The following NPL variants were observed in gnomAD, a reference collection of about 807,000 sequenced individuals.
NPL encodes N-acetylneuraminate pyruvate lyase.
Under a neutral mutation model 41.1 loss-of-function variants are expected in NPL, and 32 were observed. The ratio of observed to expected loss-of-function variants is 0.78; its 90% confidence interval spans 0.59 to 1.05. The LOEUF (loss-of-function observed/expected upper bound fraction) is 1.05, where lower values mean the gene tolerates loss of function less well. Among genes scored for constraint, NPL ranks in the 50% least tolerant of loss-of-function variants. NPL has a pLI of 0.00. For synonymous variants in NPL, 128 were observed against 134.9 expected, an observed-to-expected ratio of 0.95 and a Z score of 0.35; for missense variants, 321 against 378.4, an observed-to-expected ratio of 0.85 and a Z score of 1.26.
chr1:182,809,201 T>C (rs752070095), intron 5 of NPL: 1 of 451,052 alleles, frequency 2.2e-6, no homozygotes, highest in South Asian at 1.6e-5. Flanking sequence ...CCATCATAAG[T>C]TGGGGACCAT....
rs1435195458 is a variant in NPL at position 182,807,918 on chromosome 1, C to CCAAAAATG, written c.230+1687_230+1694dup. ...AAAAAAAAAAAAAAAAAGAACAGTACCAAAAATGAGGGACAGGGAAGTAGG... is the reference window on the plus strand; with the variant it reads ...AAAAAAAAAAAAAAAAAGAACAGTACCAAAAATGCAAAAATGAGGGACAGGGAAGTAGG... On this transcript the variant is annotated intron_variant, in intron 5 of 12. Transcript: ENST00000367553. Among the ~76,000 whole-genome samples the CCAAAAATG allele has an allele frequency of 8.8e-5, 13 of 147,344 alleles. No homozygotes were observed. The East Asian group carries it at 2.4e-3, about 27-fold the overall frequency.
In NPL at chr1:182,816,761, C is replaced by CTGCCA. The variant is rs1220171518; in HGVS notation, c.414_418dup (p.Phe140CysfsTer11). 7.8e-5 allele frequency: 126 copies of CTGCCA among 1,613,696 alleles called. No homozygotes were observed. The highest frequency in any genetic ancestry group is 1.1e-4 in the Non-Finnish European group (124 of 1,179,850). On this transcript the variant is annotated frameshift_variant, in exon 8 of 13. Transcript: ENST00000367553. LOFTEE classifies it high-confidence loss of function. ...GGAAGTGGCTGCTGCCGCCCCTGCC[C>CTGCCA]TGCCATTTTATTACTATCACATTCC...
chr1:182,825,857 G>T, intron 12 of NPL, 37 bp downstream of exon 12: 1 of 1,514,458 alleles, frequency 6.6e-7, no homozygotes. Context: ...TCTGCTGCTG[G>T]AGACTGTAAA....
rs752259672 is a variant in NPL, at chr1:182,828,743, C to T, written c.798C>T (p.Thr266=). ...VVKLGFGVSQ[T]KAIMTLVSGI... ...GTCTAGGTTTTGGAGTGTCACAGAC[C>T]AAAGCCATCATGACTCTGGTCTCTG... The change falls in exon 13 of 13, where the codon ACC becomes ACT. Residue 266 remains threonine (T), a synonymous_variant. Coordinates refer to ENST00000367553, the MANE Select transcript of NPL (RefSeq NM_030769.3). This position sits in a 1 kb window ranked among gnomAD's most constrained non-coding sequence, Gnocchi z 4.0. The T allele has an allele frequency of 3.1e-6, 5 of 1,614,170 alleles. No individual in the cohort carries two copies. In the South Asian group the frequency reaches 5.5e-5, roughly 18 times the overall value.
At chr1:182,823,282 G>A (rs1219272174) in intron 11 of NPL, among the ~76,000 whole-genome samples, 25 of 152,176 alleles carry the variant, frequency 1.6e-4, no homozygotes, top group Admixed American at 1.5e-3. Flanking sequence ...TGCCATCAGG[G>A]TAATCAGAGA....
chr1:182,823,116 T>C (rs564503754), intron 11 of NPL, among the ~76,000 whole-genome samples: 4 of 152,328 alleles, frequency 2.6e-5, no homozygotes, highest in Non-Finnish European at 5.9e-5. Context: ...GCAAGACTTT[T>C]GGGGTCTGAG....
At chr1:182,819,797 G>A (rs953941595) in intron 10 of NPL, among the ~76,000 whole-genome samples, 1 of 152,178 alleles carries the variant, frequency 6.6e-6, no homozygotes, top group Admixed American at 6.5e-5. Context: ...CACTTTGTGA[G>A]TTCTATCTTT....
Position 182,824,455 on chromosome 1 carries a change from T to G in NPL, c.739-1326T>G, listed in dbSNP as rs1473248620. On this transcript the variant is annotated intron_variant, in intron 11 of 12. Transcript: ENST00000367553. ...CAAATATGTTAAGCATTTTGAAAAATACTTTTAAATATAAAATGTTATTGA... is the reference window on the plus strand; with the variant it reads ...CAAATATGTTAAGCATTTTGAAAAAGACTTTTAAATATAAAATGTTATTGA... Among the ~76,000 whole-genome samples, 4 of 152,220 alleles carry G rather than the reference T, an allele frequency of 2.6e-5. No individual in the cohort carries two copies. In the East Asian group the frequency reaches 7.7e-4, roughly 29 times the overall value.
At chr1:182,819,471 C>T (rs1434807768) in intron 10 of NPL, among the ~76,000 whole-genome samples, 1 of 151,306 alleles carries the variant, frequency 6.6e-6, no homozygotes, top group South Asian at 2.1e-4. Flanking sequence ...ATTAGCCAGG[C>T]GTGGTGGCAG....
Position 182,805,409 on chromosome 1 carries a change from C to T in NPL, c.143-736C>T, listed in dbSNP as rs551561784. 1.2e-3 allele frequency among the ~76,000 whole-genome samples: 179 copies of T among 151,686 alleles called. 1 individual carries two copies. Among genetic ancestry groups the T allele is most frequent in the South Asian group, 6.9e-3 (33 of 4,788 alleles). Reference sequence around the variant, plus strand: ...TGGCGCCACTGCCCTCCAGCCTGGGCGACAAGAGCAAAATTCTGTCTCAAA... The same window carrying T: ...TGGCGCCACTGCCCTCCAGCCTGGGTGACAAGAGCAAAATTCTGTCTCAAA... On this transcript the variant is annotated intron_variant, in intron 4 of 12. Transcript: ENST00000367553.
At chr1:182,823,092 G>A (rs950253848) in intron 11 of NPL, among the ~76,000 whole-genome samples, 13 of 152,214 alleles carry the variant, frequency 8.5e-5, no homozygotes, top group African/African-American at 3.1e-4. Flanking sequence ...GAAGAAAGTA[G>A]GGTGGATATG....
intron 10 of NPL, among the ~76,000 whole-genome samples, chr1:182,821,823 G>A (rs1667493707): frequency 6.6e-6 from 1 of 152,164 alleles, no homozygotes; most frequent in Non-Finnish European, 1.5e-5. Context: ...GTACCCTAGG[G>A]CAAGAGCTGG....
At chr1:182,814,007 T>G (rs1276200588) in intron 6 of NPL, among the ~76,000 whole-genome samples, 7 of 152,254 alleles carry the variant, frequency 4.6e-5, no homozygotes, top group Admixed American at 4.6e-4. Context: ...GATATAGATA[T>G]TACAAGTCAA....
intron 11 of NPL, among the ~76,000 whole-genome samples, chr1:182,824,745 C>T (rs1036433147): frequency 6.6e-6 from 1 of 152,010 alleles, no homozygotes; most frequent in Admixed American, 6.6e-5. Context: ...TGCAGTGAGG[C>T]GAGATCATGC....
At chr1:182,797,707 G>T (rs751384712) in intron 3 of NPL, among the ~76,000 whole-genome samples, 19 of 152,120 alleles carry the variant, frequency 1.2e-4, no homozygotes, top group Non-Finnish European at 2.1e-4. Flanking sequence ...ATAGCACCCT[G>T]TCCATACTCT....
chr1:182,822,118 C>T lies in NPL; in HGVS notation c.657C>T (p.Thr219=). 6.2e-7 allele frequency: 1 copy of T among 1,607,822 alleles called. No individual in the cohort carries two copies. Among genetic ancestry groups the T allele is most frequent in the Non-Finnish European group, 8.5e-7 (1 of 1,174,258 alleles). ...GTATTTGTTATTGTCTTGCCAGTACCTATAACTACCTGGGAAAAAAGACAA... is the reference window on the plus strand; with the variant it reads ...GTATTTGTTATTGTCTTGCCAGTACTTATAACTACCTGGGAAAAAAGACAA... ...VMGATGAVGS[T]YNYLGKKTNQ... The change falls in exon 11 of 13, where the codon ACC becomes ACT. Residue 219 remains threonine, a synonymous_variant. Transcript: ENST00000367553.
At chr1:182,801,014 G>GCCA (rs1235209251) in intron 3 of NPL, among the ~76,000 whole-genome samples, 5 of 152,002 alleles carry the variant, frequency 3.3e-5, no homozygotes, top group Non-Finnish European at 7.4e-5. Context: ...ACAGGCATGA[G>GCCA]CCACCATGCC....
At chr1:182,821,573 CTATAA>C (rs1321440712) in intron 10 of NPL, among the ~76,000 whole-genome samples, 2 of 152,170 alleles carry the variant, frequency 1.3e-5, no homozygotes, top group African/African-American at 2.4e-5. Context: ...TGTCAAGCAC[CTATAA>C]TATAATAGGC....
chr1:182,792,565 C>T (rs1019505905), intron 2 of NPL, among the ~76,000 whole-genome samples: 1 of 152,204 alleles, frequency 6.6e-6, no homozygotes. Context: ...ACATGAAGCT[C>T]AAAGAGTGAT....
Sources: gnomAD v4.1 joint callset for allele counts (sites outside exome capture counted in the v4.1 genomes callset) on GRCh38, gnomAD v4.1.1 for gene constraint, Gnocchi (gnomAD v3.1) non-coding constraint, MANE v1.5 for transcripts, NCBI Gene and HGNC (gene_info 2026-07-23, HGNC 2026-07-21) for gene names.